HPSE2: variants seen among roughly 807,000 people sequenced by gnomAD.
The protein encoded by HPSE2 is heparanase 2 (inactive), also known as inactive heparanase-2.
HPSE2 carries 38 observed loss-of-function variants against 60.5 expected under a neutral mutation model. The observed-to-expected ratio is 0.63, with a 90% confidence interval of 0.48 to 0.82. HPSE2 has a LOEUF of 0.82. Ranked by LOEUF, HPSE2 falls within the 40% of genes least tolerant of loss-of-function variation. HPSE2 has a pLI of 0.00. For synonymous variants in HPSE2, 295 were observed against 293.2 expected (o/e 1.01, Z -0.06); for missense variants, 713 against 740.4 (o/e 0.96, Z 0.43).
At chr10:98,855,606 G>A (rs1282225370) in intron 3 of HPSE2, among the ~76,000 whole-genome samples, 1 of 152,096 alleles carries the variant, frequency 6.6e-6, no homozygotes, top group African/African-American at 2.4e-5. Context: ...TGTGGGTGGG[G>A]CAGGAAGCAG....
intron 3 of HPSE2, among the ~76,000 whole-genome samples, chr10:98,975,247 G>C (rs992168201): frequency 1.3e-5 from 2 of 152,054 alleles, no homozygotes; most frequent in Non-Finnish European, 2.9e-5. Flanking sequence ...GCACTCTGTT[G>C]GATGTCTACA....
intron 3 of HPSE2, among the ~76,000 whole-genome samples, chr10:98,946,200 C>T (rs1376969465): frequency 6.6e-6 from 1 of 151,962 alleles, no homozygotes; most frequent in African/African-American, 2.4e-5. Flanking sequence ...CCAGACATAG[C>T]AGCTCACACC....
intron 3 of HPSE2, among the ~76,000 whole-genome samples, chr10:98,827,261 A>G (rs945992028): frequency 2.6e-5 from 4 of 152,134 alleles, no homozygotes; most frequent in Non-Finnish European, 5.9e-5. Flanking sequence ...GCTGGAGTGC[A>G]GTGGCACAAT....
chr10:99,037,967 A>C (rs544702483), intron 3 of HPSE2, among the ~76,000 whole-genome samples: 1 of 152,308 alleles, frequency 6.6e-6, no homozygotes, highest in Admixed American at 6.5e-5. Flanking sequence ...CATTAGGGAA[A>C]TGCAAATTAA....
At chr10:98,920,010 T>G (rs1044542066) in intron 3 of HPSE2, among the ~76,000 whole-genome samples, 9 of 152,192 alleles carry the variant, frequency 5.9e-5, no homozygotes, top group Non-Finnish European at 1.2e-4. Flanking sequence ...GAGAACCTGC[T>G]GCTAGAAGCA....
At chr10:98,775,158 T>C (rs2134432751) in intron 3 of HPSE2, among the ~76,000 whole-genome samples, 1 of 152,348 alleles carries the variant, frequency 6.6e-6, no homozygotes, top group East Asian at 1.9e-4. Flanking sequence ...AGATTTCCTT[T>C]CTTTTTCTTC....
At chr10:99,246,819 T>C in the HPSE2 span, among the ~76,000 whole-genome samples, 3 of 152,312 alleles carry the variant, frequency 2.0e-5, no homozygotes, top group South Asian at 6.2e-4. Flanking sequence ...TCACAATAAT[T>C]ACTAAAATAT....
intron 3 of HPSE2, among the ~76,000 whole-genome samples, chr10:98,823,438 G>C (rs565840119): frequency 6.6e-6 from 1 of 152,222 alleles, no homozygotes; most frequent in South Asian, 2.1e-4. Flanking sequence ...GGGCAATATA[G>C]CGAGATCCAA....
intron 2 of HPSE2, among the ~76,000 whole-genome samples, chr10:99,152,944 G>T (rs960210688): frequency 6.6e-6 from 1 of 152,268 alleles, no homozygotes. Context: ...CTTGGGAAGC[G>T]CAAGGGGTCA....
intron 5 of HPSE2, among the ~76,000 whole-genome samples, chr10:98,694,227 C>T (rs559374120): frequency 9.8e-5 from 15 of 152,330 alleles, no homozygotes; most frequent in East Asian, 5.8e-4. Context: ...CCCAAGCCCA[C>T]GCCTGATGAC....
chr10:98,626,079 C>T (rs1283729121), intron 7 of HPSE2, among the ~76,000 whole-genome samples: 3 of 148,110 alleles, frequency 2.0e-5, no homozygotes, highest in Non-Finnish European at 4.4e-5. Context: ...ACACTCCAGC[C>T]TGGGCGACAG....
chr10:98,923,033 C>T (rs533766796), intron 3 of HPSE2, among the ~76,000 whole-genome samples: 2 of 152,262 alleles, frequency 1.3e-5, no homozygotes, highest in South Asian at 4.1e-4. Context: ...TCAATAACAT[C>T]ATTTTCTTTC....
intron 3 of HPSE2, among the ~76,000 whole-genome samples, chr10:98,753,562 C>T (rs139288613): frequency 1.6e-4 from 24 of 152,290 alleles, no homozygotes; most frequent in African/African-American, 5.8e-4. Context: ...GAATATTATT[C>T]ACCCATAAAA....
intron 3 of HPSE2, among the ~76,000 whole-genome samples, chr10:99,087,361 G>A (rs1002572678): frequency 6.6e-6 from 1 of 152,118 alleles, no homozygotes; most frequent in Non-Finnish European, 1.5e-5. Context: ...TCCCACACAG[G>A]GAATTATTTA....
chr10:98,755,566 A>G (rs1053342147), intron 3 of HPSE2, among the ~76,000 whole-genome samples: 2 of 152,258 alleles, frequency 1.3e-5, no homozygotes, highest in African/African-American at 4.8e-5. Flanking sequence ...CGGAATATAC[A>G]TTCTTCTCAT....
chr10:98,833,614 C>A (rs1951730137), intron 3 of HPSE2, among the ~76,000 whole-genome samples: 1 of 151,904 alleles, frequency 6.6e-6, no homozygotes, highest in Non-Finnish European at 1.5e-5. Flanking sequence ...TTTATTTTAC[C>A]AATGGGGAAA....
intron 3 of HPSE2, among the ~76,000 whole-genome samples, chr10:98,858,975 C>CT (rs1952385728): frequency 6.6e-6 from 1 of 152,160 alleles, no homozygotes; most frequent in Admixed American, 6.5e-5. Context: ...ATTGCCCGGG[C>CT]TGGAGTGCAG....
intron 6 of HPSE2, among the ~76,000 whole-genome samples, chr10:98,693,405 G>A (rs563867): frequency 1.3e-5 from 2 of 151,834 alleles, no homozygotes; most frequent in African/African-American, 4.8e-5. Flanking sequence ...CTTTCTTGAA[G>A]CTGCTTCATC....
At chr10:98,749,991 A>G (rs1341399822) in intron 3 of HPSE2, among the ~76,000 whole-genome samples, 3 of 132,048 alleles carry the variant, frequency 2.3e-5, no homozygotes, top group African/African-American at 2.7e-5. Flanking sequence ...TGAGCAAAAC[A>G]GAAAACAGGC....
Sources: allele counts gnomAD v4.1 joint callset (sites outside exome capture counted in the v4.1 genomes callset), GRCh38; gene constraint gnomAD v4.1.1; transcripts MANE v1.5; gene names NCBI Gene and HGNC (gene_info 2026-07-23, HGNC 2026-07-21).